CHST15: variants seen among roughly 807,000 people sequenced by gnomAD.
CHST15 encodes the protein carbohydrate sulfotransferase 15.
Under a neutral mutation model 53.6 loss-of-function variants are expected in CHST15, and 30 were observed. The observed-to-expected ratio is 0.56, with a 90% CI of 0.42 to 0.76. The LOEUF (loss-of-function observed/expected upper bound fraction) is 0.76, where lower values mean the gene tolerates loss of function less well. Among genes scored for constraint, CHST15 ranks in the 30% least tolerant of loss-of-function variants. CHST15 has a pLI of 0.00. For missense variants in CHST15, 627 were observed against 740.5 expected (o/e 0.85, Z 1.78); for synonymous variants, 296 against 289.8 (o/e 1.02, Z -0.22).
At chr10:124,026,140 G>A (rs1445877283) in intron 5 of CHST15, among the ~76,000 whole-genome samples, 2 of 152,186 alleles carry the variant, frequency 1.3e-5, no homozygotes, top group African/African-American at 4.8e-5. Flanking sequence ...CCTGAGGGTA[G>A]GGGAGGACTG....
intron 1 of CHST15, among the ~76,000 whole-genome samples, chr10:124,073,111 C>T (rs964516639): frequency 6.6e-6 from 1 of 152,178 alleles, no homozygotes; most frequent in Non-Finnish European, 1.5e-5. Context: ...ATCCTAGCTA[C>T]GTGCCCAACA....
At chr10:124,060,542 C>T (rs1391652707) in intron 1 of CHST15, among the ~76,000 whole-genome samples, 6 of 149,216 alleles carry the variant, frequency 4.0e-5, no homozygotes, top group Non-Finnish European at 8.9e-5. Flanking sequence ...GTGCCAGACC[C>T]CCAGGGGTAT....
chr10:124,012,208 C>G, intron 7 of CHST15, 125 bp downstream of exon 7: 1 of 1,088,868 alleles, frequency 9.2e-7, no homozygotes, highest in South Asian at 1.6e-5. Context: ...GAAGGACATC[C>G]CCAGGCCTCC....
chr10:124,014,220 G>A (rs1055777429), intron 6 of CHST15, among the ~76,000 whole-genome samples: 20 of 152,162 alleles, frequency 1.3e-4, no homozygotes, highest in Admixed American at 3.3e-4. Context: ...AGGGACTGTG[G>A]CTTCTCCACC....
chr10:124,034,378 T>C (rs1947340867), intron 5 of CHST15, among the ~76,000 whole-genome samples: 1 of 152,070 alleles, frequency 6.6e-6, no homozygotes, highest in South Asian at 2.1e-4. Context: ...AGAGAAGAGT[T>C]TGGCAGGTCT....
intron 1 of CHST15, among the ~76,000 whole-genome samples, chr10:124,057,558 A>T (rs1436310135): frequency 6.6e-6 from 1 of 152,166 alleles, no homozygotes; most frequent in Admixed American, 6.5e-5. Context: ...GTCCTCTGGG[A>T]ACATCCCATC....
At chr10:124,075,453 C>A (rs139343752) in intron 1 of CHST15, among the ~76,000 whole-genome samples, 1 of 152,294 alleles carries the variant, frequency 6.6e-6, no homozygotes, top group East Asian at 1.9e-4. Context: ...GAGAGCACAG[C>A]GTCCCGGCTC....
At chr10:124,081,353 TGCACGCATGCACACA>T (rs1949229757) in intron 1 of CHST15, among the ~76,000 whole-genome samples, 1 of 16,338 alleles carries the variant, frequency 6.1e-5, no homozygotes, top group Non-Finnish European at 1.3e-4. Flanking sequence ...TGCACACACA[TGCACGCATGCACACA>T]CATGCACGCA....
chr10:124,087,965 G>A (rs1374161069), intron 1 of CHST15, among the ~76,000 whole-genome samples: 1 of 152,250 alleles, frequency 6.6e-6, no homozygotes, highest in East Asian at 1.9e-4. Flanking sequence ...AGAGAGTGAA[G>A]CCACCACCCT....
At chr10:124,056,002 T>G (rs991564754) in intron 1 of CHST15, among the ~76,000 whole-genome samples, 1 of 152,180 alleles carries the variant, frequency 6.6e-6, no homozygotes, top group South Asian at 2.1e-4. Context: ...TGCGGGTACC[T>G]GCATCCAGCC....
intron 1 of CHST15, 148 bp from the exon 2 acceptor site, chr10:124,046,872 C>T (rs961528017): frequency 2.0e-5 from 3 of 152,182 alleles, no homozygotes; most frequent in Non-Finnish European, 4.4e-5. Context: ...CATAGAAAAT[C>T]GCGAGCATAA....
chr10:124,012,488 C>A lies in CHST15; in HGVS notation c.1348-8G>T. On this transcript the variant is annotated splice_region_variant and splice_polypyrimidine_tract_variant and intron_variant, in intron 6 of 7. Transcript: ENST00000435907. ...CCCAACCTGGAGCCTCACCTAGGAC[C>A]ACAGAAGAAGGGCATTATTTCAGGA... is the stretch of plus-strand genomic sequence containing the variant. 1 of 1,607,364 alleles carries A rather than the reference C, an allele frequency of 6.2e-7. No individual in the cohort carries two copies. The highest frequency in any genetic ancestry group is 8.5e-7 in the Non-Finnish European group (1 of 1,175,200).
chr10:124,069,117 C>T (rs1334290711), intron 1 of CHST15, among the ~76,000 whole-genome samples: 2 of 152,218 alleles, frequency 1.3e-5, no homozygotes, highest in African/African-American at 4.8e-5. Context: ...CATCCATCGG[C>T]TTAGCATCCC....
rs767185802 is a variant in CHST15, at chr10:124,036,099, T to A, written c.1190+2416A>T. On this transcript the variant is annotated intron_variant, in intron 5 of 7. Coordinates refer to ENST00000435907, the MANE Select transcript of CHST15 (RefSeq NM_001270764.2). This position sits in a 1 kb window ranked among gnomAD's most constrained non-coding sequence, Gnocchi z 5.1. ...GCAGCAGCGACAGGAAAACATTTGA[T>A]GAGCACACCGAGCACTTGCGCCCTT... 1.3e-5 allele frequency among the ~76,000 whole-genome samples: 2 copies of A among 152,230 alleles called. No individual in the cohort carries two copies. The highest frequency in any genetic ancestry group is 2.9e-5 in the Non-Finnish European group (2 of 68,044).
chr10:124,071,951 C>T (rs188983068), intron 1 of CHST15, among the ~76,000 whole-genome samples: 2 of 152,362 alleles, frequency 1.3e-5, no homozygotes, highest in East Asian at 3.9e-4. Flanking sequence ...GCTTCCTGCA[C>T]GAGGCTGCTC....
intron 1 of CHST15, among the ~76,000 whole-genome samples, chr10:124,059,254 C>G (rs2134088406): frequency 6.6e-6 from 1 of 152,256 alleles, no homozygotes; most frequent in African/African-American, 2.4e-5. Flanking sequence ...ATTCTTTTTG[C>G]ACGTTTTTGG....
In CHST15 at chr10:124,036,937, T is replaced by C. The variant is rs1444760291; in HGVS notation, c.1190+1578A>G. Among the ~76,000 whole-genome samples, 2 of 152,146 alleles carry C rather than the reference T, an allele frequency of 1.3e-5. No individual in the cohort carries two copies. The highest frequency in any genetic ancestry group is 4.8e-5 in the African/African-American group (2 of 41,428). ...AACTCGTGGTGCGTAATGACAGGACTTTCTTCCCTCAGTGTCCTGGAAGCT... is the reference window on the plus strand; with the variant it reads ...AACTCGTGGTGCGTAATGACAGGACCTTCTTCCCTCAGTGTCCTGGAAGCT... On this transcript the variant is annotated intron_variant, in intron 5 of 7. Transcript: ENST00000435907. This position sits in a 1 kb window ranked among gnomAD's most constrained non-coding sequence, Gnocchi z 5.1.
At chr10:124,038,129 T>C (rs562326001) in intron 5 of CHST15, among the ~76,000 whole-genome samples, 1 of 151,184 alleles carries the variant, frequency 6.6e-6, no homozygotes, top group South Asian at 2.1e-4. Flanking sequence ...TTTTTTGAGA[T>C]GGAGTCTCAC....
intron 1 of CHST15, among the ~76,000 whole-genome samples, chr10:124,048,187 T>G (rs1489499671): frequency 6.6e-6 from 1 of 152,246 alleles, no homozygotes; most frequent in Non-Finnish European, 1.5e-5. Context: ...GTGCTTAAAT[T>G]ATTTGGAGAA....
Sources: allele counts gnomAD v4.1 joint callset (sites outside exome capture counted in the v4.1 genomes callset), GRCh38; gene constraint gnomAD v4.1.1; non-coding constraint Gnocchi (gnomAD v3.1); transcripts MANE v1.5; gene names NCBI Gene and HGNC (gene_info 2026-07-23, HGNC 2026-07-21).